The following ADAM22 variants were observed in gnomAD, a reference collection of about 807,000 sequenced individuals.
ADAM22 encodes the protein ADAM metallopeptidase domain 22.
Under a neutral mutation model 144.6 loss-of-function variants are expected in ADAM22, and 65 were observed. The observed-to-expected ratio is 0.45, with a 90% CI of 0.37 to 0.55. The LOEUF is 0.55. ADAM22 is among the 20% of genes least tolerant of loss of function. ADAM22 has a pLI of 0.00. For missense variants in ADAM22, 974 were observed against 1,184.9 expected, an observed-to-expected ratio of 0.82 and a Z score of 2.61; for synonymous variants, 391 against 412.6, an observed-to-expected ratio of 0.95 and a Z score of 0.63.
intron 7 of ADAM22, among the ~76,000 whole-genome samples, chr7:88,119,441 T>C (rs1395003459): frequency 6.6e-6 from 1 of 152,236 alleles, no homozygotes; most frequent in Non-Finnish European, 1.5e-5. Flanking sequence ...AGAGTAGCAA[T>C]AGTTCATTCT....
chr7:88,194,568 T>C (rs1850294727), intron 31 of ADAM22, among the ~76,000 whole-genome samples: 1 of 152,200 alleles, frequency 6.6e-6, no homozygotes, highest in Non-Finnish European at 1.5e-5. Flanking sequence ...AAGGCATGCC[T>C]AGTGCTGAAA....
intron 3 of ADAM22, among the ~76,000 whole-genome samples, chr7:88,033,826 C>T (rs544166087): frequency 1.3e-5 from 2 of 152,134 alleles, no homozygotes; most frequent in African/African-American, 2.4e-5. Flanking sequence ...TGTCCACCAC[C>T]CCACAGGCCC....
intron 23 of ADAM22, among the ~76,000 whole-genome samples, chr7:88,164,091 A>G (rs545316913): frequency 6.6e-6 from 1 of 152,224 alleles, no homozygotes; most frequent in South Asian, 2.1e-4. Context: ...CTCATGGCAT[A>G]TAAGAGTAGA....
chr7:87,941,491 G>A (rs1181784618), intron 2 of ADAM22, among the ~76,000 whole-genome samples: 2 of 152,020 alleles, frequency 1.3e-5, no homozygotes, highest in African/African-American at 4.8e-5. Flanking sequence ...TTTTGCGAGG[G>A]TAGCACAAAC....
At chr7:88,075,972 T>C (rs1814337687) in intron 4 of ADAM22, among the ~76,000 whole-genome samples, 1 of 152,180 alleles carries the variant, frequency 6.6e-6, no homozygotes, top group Non-Finnish European at 1.5e-5. Context: ...TTGTGGTTTT[T>C]GTCGTTACTT....
At chr7:88,158,080 A>C (rs935754910) in intron 22 of ADAM22, among the ~76,000 whole-genome samples, 1 of 152,168 alleles carries the variant, frequency 6.6e-6, no homozygotes, top group Non-Finnish European at 1.5e-5. Context: ...AATGGAAATC[A>C]GAAAAAAAGC....
intron 4 of ADAM22, among the ~76,000 whole-genome samples, chr7:88,095,123 G>A (rs1820900018): frequency 6.6e-6 from 1 of 152,148 alleles, no homozygotes; most frequent in Admixed American, 6.6e-5. Flanking sequence ...GTCTTTGGTG[G>A]CTTCTACCCA....
chr7:87,980,556 A>G (rs2129449190), intron 3 of ADAM22, among the ~76,000 whole-genome samples: 1 of 152,186 alleles, frequency 6.6e-6, no homozygotes, highest in Non-Finnish European at 1.5e-5. Context: ...AGGAAAATTA[A>G]ATAAGTCCAT....
chr7:88,172,027 G>A (rs915508462), intron 26 of ADAM22, among the ~76,000 whole-genome samples: 34 of 151,854 alleles, frequency 2.2e-4, no homozygotes, highest in Admixed American at 2.0e-3. Flanking sequence ...GGGCAGTGTT[G>A]CTGTTGGGAA....
At chr7:87,945,630 A>G (rs949718862) in intron 2 of ADAM22, among the ~76,000 whole-genome samples, 7 of 150,652 alleles carry the variant, frequency 4.6e-5, no homozygotes, top group African/African-American at 1.7e-4. Context: ...CTCCTGCCTC[A>G]GCCTCCTGAG....
intron 26 of ADAM22, among the ~76,000 whole-genome samples, chr7:88,173,020 A>G (rs906569878): frequency 1.1e-4 from 16 of 152,180 alleles, no homozygotes; most frequent in Admixed American, 7.9e-4. Context: ...ATTGCTGAAT[A>G]TATGAAAATG....
chr7:88,097,547 T>A (rs992447403), intron 4 of ADAM22, among the ~76,000 whole-genome samples: 2 of 151,940 alleles, frequency 1.3e-5, no homozygotes, highest in African/African-American at 4.8e-5. Flanking sequence ...GGAGGTTATG[T>A]TTATGGTAAA....
At chr7:88,154,776 G>T (rs1839446128) in intron 21 of ADAM22, among the ~76,000 whole-genome samples, 1 of 152,004 alleles carries the variant, frequency 6.6e-6, no homozygotes, top group Non-Finnish European at 1.5e-5. Flanking sequence ...ACAGTAAAAT[G>T]ATAACATAAT....
intron 4 of ADAM22, among the ~76,000 whole-genome samples, chr7:88,105,447 C>A (rs541417044): frequency 1.3e-5 from 2 of 152,302 alleles, no homozygotes; most frequent in South Asian, 4.1e-4. Flanking sequence ...TCCGATGTAT[C>A]CAGGAAATCA....
rs201471309 is a variant in ADAM22 at position 87,935,012 on chromosome 7, G to C, written c.86-14G>C. On this transcript the variant is annotated splice_polypyrimidine_tract_variant and intron_variant, in intron 1 of 31. Transcript: ENST00000413139. ...TTTCTCTCCACTCCCTCCTTTCCCG[G>C]TTCCTGCCTGGAGGAGACGCCTCAT... The C allele has an allele frequency of 3.4e-5, 55 of 1,614,030 alleles. No homozygotes were observed. The highest frequency in any genetic ancestry group is 4.5e-5 in the Non-Finnish European group (53 of 1,180,028).
At position 88,145,163 on chromosome 7, in the gene ADAM22, A is replaced by G. The variant is rs768395714; in HGVS notation, c.1359A>G (p.Glu453=). 7 of 1,613,598 alleles carry G rather than the reference A, an allele frequency of 4.3e-6. No homozygotes were observed. Among genetic ancestry groups the G allele is most frequent in the Non-Finnish European group, 5.9e-6 (7 of 1,179,862 alleles). Residue 453 remains glutamate, a synonymous_variant, in exon 16 of 32, where the codon GAA becomes GAG. Transcript: ENST00000413139. ...DPPECGNGFI[E]TGEECDCGTP... is the part of the protein sequence containing the mutation. ...CTGAGTGTGGCAATGGCTTCATTGA[A>G]ACTGGAGAGGAGTGTGATTGTGGAA...
At chr7:88,116,699 T>C in intron 6 of ADAM22, 46 bp from the exon 7 acceptor site, 1 of 1,498,056 alleles carries the variant, frequency 6.7e-7, no homozygotes, top group Non-Finnish European at 9.3e-7. Flanking sequence ...AGGCTGGAGA[T>C]AATCCTGTTG....
intron 23 of ADAM22, among the ~76,000 whole-genome samples, chr7:88,163,662 A>C (rs902516448): frequency 6.6e-6 from 1 of 152,114 alleles, no homozygotes; most frequent in Non-Finnish European, 1.5e-5. Flanking sequence ...ACAATAACTT[A>C]GGGAAATGTT....
rs547093501 is a variant in ADAM22, at chr7:88,122,573, T to G, written c.608-3016T>G. On this transcript the variant is annotated intron_variant, in intron 7 of 31. Transcript: ENST00000413139. ...CATTTCATCCCGTTATAGCATCTGC[T>G]CAAAGTCTGGAATCTCATTATCTAA... is the stretch of plus-strand genomic sequence containing the variant. 3.9e-5 allele frequency among the ~76,000 whole-genome samples: 6 copies of G among 152,306 alleles called. No homozygotes were observed. In the East Asian group the frequency reaches 7.7e-4, roughly 20 times the overall value.
Sources: gnomAD v4.1 joint callset for allele counts (sites outside exome capture counted in the v4.1 genomes callset) on GRCh38, gnomAD v4.1.1 for gene constraint, MANE v1.5 for transcripts, NCBI Gene and HGNC (gene_info 2026-07-23, HGNC 2026-07-21) for gene names.